Variants in DLG1 observed in about 807,000 individuals in gnomAD.
DLG1 encodes discs large MAGUK scaffold protein 1.
In DLG1, 42 loss-of-function variants were observed where a neutral mutation model predicts 123.4. The ratio of observed to expected loss-of-function variants is 0.34; its 90% CI spans 0.27 to 0.44. DLG1 has a LOEUF of 0.44. Among genes scored for constraint, DLG1 ranks in the 20% least tolerant of loss-of-function variants. The pLI, the probability that DLG1 is intolerant of heterozygous loss-of-function variation, is 1.00. For synonymous variants in DLG1, 317 were observed against 356.2 expected (o/e 0.89, Z 1.24); for missense variants, 942 against 1,082.6 (o/e 0.87, Z 1.82).
At chr3:197,120,734 G>T (rs1775899522) in intron 11 of DLG1, among the ~76,000 whole-genome samples, 1 of 152,164 alleles carries the variant, frequency 6.6e-6, no homozygotes, top group Non-Finnish European at 1.5e-5. Context: ...AAGACAACAG[G>T]AAATGACTGA....
intron 14 of DLG1, among the ~76,000 whole-genome samples, 190 bp downstream of exon 14, chr3:197,104,713 C>CAA (rs201572454): frequency 6.0e-5 from 9 of 150,578 alleles, no homozygotes; most frequent in Non-Finnish European, 1.3e-4. Context: ...CAAAAAAAAC[C>CAA]AAAAAAACAA....
At chr3:197,135,776 A>C (rs1231839156) in intron 10 of DLG1, among the ~76,000 whole-genome samples, 1 of 152,124 alleles carries the variant, frequency 6.6e-6, no homozygotes, top group Non-Finnish European at 1.5e-5. Context: ...AAAACAAATA[A>C]TACTAAACAA....
At chr3:197,238,675 A>G (rs968746587) in intron 4 of DLG1, among the ~76,000 whole-genome samples, 11 of 152,236 alleles carry the variant, frequency 7.2e-5, no homozygotes, top group Admixed American at 2.0e-4. Context: ...AATCAGTAAT[A>G]GAAGGAAAAC....
At chr3:197,092,653 T>C (rs1461155648) in intron 14 of DLG1, among the ~76,000 whole-genome samples, 3 of 152,090 alleles carry the variant, frequency 2.0e-5, no homozygotes, top group Non-Finnish European at 4.4e-5. Context: ...TGCACCAACA[T>C]GCTTGGCTAA....
In DLG1 at chr3:197,043,806, A is replaced by G. The variant is rs1157190814; in HGVS notation, c.*817T>C. ...ATGATGGTTACTACGTCACCACTGT[A>G]ACGTCTGATTTATCTGTATTTATAT... On this transcript the variant is annotated 3_prime_UTR_variant, in exon 25 of 25. Transcript: ENST00000667157. The G allele has an allele frequency of 1.3e-5, 2 of 152,114 alleles. No individual in the cohort carries two copies. The highest frequency in any genetic ancestry group is 4.8e-5 in the African/African-American group (2 of 41,436). The allele number at this position is 152,114 out of a possible 1,614,324, so 9.4% of individuals were successfully genotyped here.
intron 4 of DLG1, among the ~76,000 whole-genome samples, chr3:197,256,869 T>C (rs1034535857): frequency 3.3e-5 from 5 of 152,304 alleles, no homozygotes; most frequent in Non-Finnish European, 4.4e-5. Context: ...ACTTATTTAA[T>C]AGTAGTTAGC....
At chr3:197,225,561 G>C (rs112634805) in intron 4 of DLG1, among the ~76,000 whole-genome samples, 2 of 152,178 alleles carry the variant, frequency 1.3e-5, no homozygotes, top group Admixed American at 6.5e-5. Flanking sequence ...CGTATCAATG[G>C]TGTTTCCTGT....
chr3:197,253,753 C>T (rs938612482), intron 4 of DLG1, among the ~76,000 whole-genome samples: 33 of 152,050 alleles, frequency 2.2e-4, no homozygotes, highest in African/African-American at 7.5e-4. Flanking sequence ...TTTGTGGTGA[C>T]AGAAATGTTC....
intron 10 of DLG1, 24 bp downstream of exon 10, chr3:197,136,518 A>G: frequency 6.3e-7 from 1 of 1,588,176 alleles, no homozygotes; most frequent in Non-Finnish European, 8.6e-7. Flanking sequence ...ATGATTTAAA[A>G]GACAATAGAT....
At chr3:197,276,930 CGCCCAGGCT>C (rs1438683074) in intron 4 of DLG1, among the ~76,000 whole-genome samples, 1 of 151,626 alleles carries the variant, frequency 6.6e-6, no homozygotes, top group Non-Finnish European at 1.5e-5. Context: ...CTCGCTCTGT[CGCCCAGGCT>C]GGAGTGCGGT....
At chr3:197,293,109 C>G (rs1775726655) in intron 3 of DLG1, among the ~76,000 whole-genome samples, 1 of 152,156 alleles carries the variant, frequency 6.6e-6, no homozygotes, top group South Asian at 2.1e-4. Context: ...AACTGGAATA[C>G]AAAAGCAAGT....
At chr3:197,106,422 C>T (rs540635143) in intron 13 of DLG1, among the ~76,000 whole-genome samples, 5 of 147,982 alleles carry the variant, frequency 3.4e-5, no homozygotes, top group African/African-American at 1.0e-4. Flanking sequence ...GCCAGCCCCC[C>T]CCACCCCCCT....
In DLG1 at chr3:197,285,028, T is replaced by TA. The variant is rs35378563; in HGVS notation, c.152-2184dup. ...AGAGGCCAGAATCATTCTTATCTATTAAAAAAAAAAAAAAAAAAACTGGAA... is the reference window on the plus strand; with the variant it reads ...AGAGGCCAGAATCATTCTTATCTATTAAAAAAAAAAAAAAAAAAAACTGGAA... On this transcript the variant is annotated intron_variant, in intron 3 of 24. Coordinates refer to ENST00000667157, the MANE Select transcript of DLG1 (RefSeq NM_001366207.1). Among the ~76,000 whole-genome samples, 420 of 132,374 alleles carry TA rather than the reference T, an allele frequency of 3.2e-3. 3 individuals carry two copies. The highest frequency in any genetic ancestry group is 4.9e-3 in the Non-Finnish European group (299 of 61,434). 86.8% of individuals were successfully genotyped at this position (132,374 alleles called of 152,430 possible).
At chr3:197,178,072 C>T (rs1808089945) in intron 5 of DLG1, among the ~76,000 whole-genome samples, 1 of 151,962 alleles carries the variant, frequency 6.6e-6, no homozygotes, top group South Asian at 2.1e-4. Context: ...AAAATCCCAC[C>T]CACATGGAGC....
At chr3:197,252,201 C>T (rs1341980978) in intron 4 of DLG1, among the ~76,000 whole-genome samples, 2 of 152,160 alleles carry the variant, frequency 1.3e-5, no homozygotes, top group Non-Finnish European at 1.5e-5. Flanking sequence ...AAAGATGCTT[C>T]TACCCATTTC....
At chr3:197,160,190 TG>T (rs1464558653) in intron 5 of DLG1, among the ~76,000 whole-genome samples, 1 of 152,112 alleles carries the variant, frequency 6.6e-6, no homozygotes, top group African/African-American at 2.4e-5. Context: ...TCAAATGCAG[TG>T]GGATGCTAAG....
intron 22 of DLG1, among the ~76,000 whole-genome samples, chr3:197,062,591 A>T (rs1302149378): frequency 6.6e-6 from 1 of 152,076 alleles, no homozygotes; most frequent in Non-Finnish European, 1.5e-5. Flanking sequence ...TCATTCTTTG[A>T]GTGCTTCCTT....
chr3:197,097,790 CA>C (rs1018266622), intron 14 of DLG1, among the ~76,000 whole-genome samples: 37 of 152,004 alleles, frequency 2.4e-4, no homozygotes, highest in Admixed American at 2.2e-3. Context: ...CCGTGTTGAC[CA>C]GGCTGGTCTC....
At chr3:197,155,499 A>G (rs920348563) in intron 5 of DLG1, among the ~76,000 whole-genome samples, 2 of 152,238 alleles carry the variant, frequency 1.3e-5, no homozygotes, top group African/African-American at 4.8e-5. Flanking sequence ...ATGAAGAAAT[A>G]AAGATCTCAG....
Sources: allele counts gnomAD v4.1 joint callset (sites outside exome capture counted in the v4.1 genomes callset), GRCh38; gene constraint gnomAD v4.1.1; transcripts MANE v1.5; gene names NCBI Gene and HGNC (gene_info 2026-07-23, HGNC 2026-07-21).